Variants in ANO3 observed in about 807,000 individuals in gnomAD.
The protein encoded by ANO3 is anoctamin-3.
ANO3 carries 99 observed loss-of-function variants against 144.8 expected under a neutral mutation model. The ratio of observed to expected loss-of-function variants is 0.68; its 90% CI spans 0.58 to 0.81. The LOEUF is 0.81. Ranked by LOEUF, ANO3 falls within the 30% of genes least tolerant of loss-of-function variation. ANO3 has a pLI of 0.00. For missense variants in ANO3, 905 were observed against 1,202.2 expected, an observed-to-expected ratio of 0.75 and a Z score of 3.66; for synonymous variants, 414 against 392.6, an observed-to-expected ratio of 1.05 and a Z score of -0.64.
At chr11:26,578,957 A>T (rs1305292162) in intron 14 of ANO3, among the ~76,000 whole-genome samples, 1 of 152,230 alleles carries the variant, frequency 6.6e-6, no homozygotes, top group Non-Finnish European at 1.5e-5. Flanking sequence ...GCGTACTGTT[A>T]TAGCAGCTTT....
chr11:26,492,022 A>G (rs1460871929), intron 4 of ANO3, among the ~76,000 whole-genome samples: 1 of 152,224 alleles, frequency 6.6e-6, no homozygotes, highest in African/African-American at 2.4e-5. Context: ...ATCAATCATA[A>G]TAAGGACAAG....
At chr11:26,531,484 C>A (rs1044986074) in intron 8 of ANO3, 148 bp downstream of exon 8, 1 of 902,358 alleles carries the variant, frequency 1.1e-6, no homozygotes, top group Non-Finnish European at 1.6e-6. Context: ...AACTTATAAA[C>A]AACACTAAGT....
At chr11:26,259,330 A>G (rs954518731) in intron 1 of ANO3, among the ~76,000 whole-genome samples, 4 of 152,118 alleles carry the variant, frequency 2.6e-5, no homozygotes, top group Admixed American at 6.5e-5. Context: ...GTAAGTATAT[A>G]CAAACAGAAA....
intron 1 of ANO3, among the ~76,000 whole-genome samples, chr11:26,193,284 G>C (rs781084162): frequency 6.6e-5 from 10 of 151,960 alleles, no homozygotes; most frequent in Admixed American, 6.6e-5. Context: ...TGGGATTGCA[G>C]GCATGCACCA....
At chr11:26,208,329 GT>G (rs1321376218) in intron 1 of ANO3, 11 of 152,206 alleles carry the variant, frequency 7.2e-5, no homozygotes, top group African/African-American at 2.4e-4. Context: ...GGCTAACACT[GT>G]GACACCCCAT....
intron 3 of ANO3, among the ~76,000 whole-genome samples, chr11:26,451,983 G>A (rs1183247139): frequency 6.6e-6 from 1 of 152,170 alleles, no homozygotes; most frequent in Non-Finnish European, 1.5e-5. Context: ...ACAGGGTCTG[G>A]AGTGGACCTC....
chr11:26,431,465 A>G (rs556596834), intron 1 of ANO3, among the ~76,000 whole-genome samples: 1 of 152,210 alleles, frequency 6.6e-6, no homozygotes, highest in Admixed American at 6.5e-5. Flanking sequence ...ACAGAGATAA[A>G]CTCGTGCCAC....
chr11:26,516,754 C>G, intron 5 of ANO3, 73 bp from the exon 6 acceptor site: 1 of 1,076,944 alleles, frequency 9.3e-7, no homozygotes. Context: ...TTCTTTATTC[C>G]CAAATCAAAC....
At chr11:26,226,849 T>C (rs1484851390) in intron 1 of ANO3, among the ~76,000 whole-genome samples, 1 of 152,146 alleles carries the variant, frequency 6.6e-6, no homozygotes, top group East Asian at 1.9e-4. Flanking sequence ...CTGAATACAT[T>C]CACATTGTTG....
intron 1 of ANO3, among the ~76,000 whole-genome samples, chr11:26,424,165 GA>G (rs1413817321): frequency 2.8e-5 from 4 of 141,586 alleles, no homozygotes; most frequent in African/African-American, 1.2e-4. Context: ...ACTGCAAATA[GA>G]TTTTTTTTAC....
chr11:26,421,212 C>T (rs1344619738), intron 1 of ANO3, among the ~76,000 whole-genome samples: 2 of 151,962 alleles, frequency 1.3e-5, no homozygotes, highest in East Asian at 1.9e-4. Flanking sequence ...GCACGAAATA[C>T]ATAATTATTT....
At chr11:26,477,271 A>G (rs1263808112) in intron 4 of ANO3, among the ~76,000 whole-genome samples, 1 of 152,106 alleles carries the variant, frequency 6.6e-6, no homozygotes, top group African/African-American at 2.4e-5. Context: ...TAGAATGCAT[A>G]AGAATTATGC....
chr11:26,232,398 G>A (rs543621426), intron 1 of ANO3, among the ~76,000 whole-genome samples: 9 of 151,180 alleles, frequency 6.0e-5, no homozygotes, highest in African/African-American at 2.2e-4. Flanking sequence ...AGAGTGTGCT[G>A]GTTACATCAT....
At chr11:26,597,408 C>T (rs1451507284) in intron 14 of ANO3, among the ~76,000 whole-genome samples, 3 of 152,310 alleles carry the variant, frequency 2.0e-5, no homozygotes, top group East Asian at 1.9e-4. Context: ...GGCACTTAGC[C>T]GTGCAGGAAC....
chr11:26,478,778 C>G (rs1420066374), intron 4 of ANO3, among the ~76,000 whole-genome samples: 1 of 152,036 alleles, frequency 6.6e-6, no homozygotes, highest in Non-Finnish European at 1.5e-5. Flanking sequence ...AGGCAACTAG[C>G]TGATTGGTTA....
At chr11:26,192,673 A>G (rs551556249) in intron 1 of ANO3, among the ~76,000 whole-genome samples, 1 of 152,298 alleles carries the variant, frequency 6.6e-6, no homozygotes, top group African/African-American at 2.4e-5. Context: ...TCAAAGAAGT[A>G]ATGTAATTGG....
At chr11:26,317,230 G>A (rs1483774699) in intron 1 of ANO3, among the ~76,000 whole-genome samples, 1 of 151,704 alleles carries the variant, frequency 6.6e-6, no homozygotes, top group Non-Finnish European at 1.5e-5. Context: ...CAGACTCAAG[G>A]TCAGGTTCAC....
intron 4 of ANO3, among the ~76,000 whole-genome samples, chr11:26,502,218 A>G (rs987568061): frequency 6.6e-6 from 1 of 152,222 alleles, no homozygotes; most frequent in Non-Finnish European, 1.5e-5. Flanking sequence ...AATACATTAT[A>G]TAGTTTTACC....
intron 1 of ANO3, among the ~76,000 whole-genome samples, chr11:26,250,453 G>A (rs1304948361): frequency 2.0e-5 from 3 of 152,112 alleles, no homozygotes; most frequent in Non-Finnish European, 4.4e-5. Flanking sequence ...ACAGTTAAAT[G>A]GTTAAATTTC....
Sources: gnomAD v4.1 joint callset for allele counts (sites outside exome capture counted in the v4.1 genomes callset) on GRCh38, gnomAD v4.1.1 for gene constraint, MANE v1.5 for transcripts, NCBI Gene and HGNC (gene_info 2026-07-23, HGNC 2026-07-21) for gene names.